LPIN1: variants seen among roughly 807,000 people sequenced by gnomAD.
LPIN1 encodes the protein phosphatidate phosphatase LPIN1.
Under a neutral mutation model 107.5 loss-of-function variants are expected in LPIN1, and 71 were observed. The observed-to-expected ratio is 0.66, with a 90% CI of 0.55 to 0.80. The LOEUF (loss-of-function observed/expected upper bound fraction) is 0.80, where lower values mean the gene tolerates loss of function less well. Among genes scored for constraint, LPIN1 ranks in the 30% least tolerant of loss-of-function variants. LPIN1 has a pLI of 0.00. For missense variants in LPIN1, 1,043 were observed against 1,160.6 expected (o/e 0.90, Z 1.47); for synonymous variants, 445 against 452.6 (o/e 0.98, Z 0.21).
At chr2:11,809,025 A>G (rs1679201263) in intron 17 of LPIN1, among the ~76,000 whole-genome samples, 1 of 152,236 alleles carries the variant, frequency 6.6e-6, no homozygotes, top group East Asian at 1.9e-4. Flanking sequence ...ATGATCCATA[A>G]GGCTAATTGT....
intron 9 of LPIN1, chr2:11,784,663 G>A: frequency 3.2e-6 from 2 of 622,810 alleles, no homozygotes. Context: ...ATTTTAGGGG[G>A]ATACAGGGAG....
Position 11,703,501 on chromosome 2 carries a change from T to C in LPIN1, c.82-10255T>C, listed in dbSNP as rs533543274. 2.6e-5 allele frequency among the ~76,000 whole-genome samples: 4 copies of C among 152,318 alleles called. No individual in the cohort carries two copies. In the South Asian group the frequency reaches 8.3e-4, roughly 32 times the overall value. ...ACATCTCTGGTCTGCACTGGCTCTTTTCATAAATAGGCAAGGAGGTGATAA... is the reference window on the plus strand; with the variant it reads ...ACATCTCTGGTCTGCACTGGCTCTTCTCATAAATAGGCAAGGAGGTGATAA... On this transcript the variant is annotated intron_variant, in intron 1 of 21. Coordinates refer to the LPIN1 transcript ENST00000449576.
At chr2:11,733,303 A>C (rs1028394839) in intron 1 of LPIN1, among the ~76,000 whole-genome samples, 3 of 152,138 alleles carry the variant, frequency 2.0e-5, no homozygotes, top group African/African-American at 4.8e-5. Context: ...ATGTTTTAAC[A>C]CCTCATATAC....
chr2:11,823,354 C>T (rs1023745636), intron 20 of LPIN1, among the ~76,000 whole-genome samples: 7 of 152,170 alleles, frequency 4.6e-5, no homozygotes, highest in African/African-American at 1.7e-4. Flanking sequence ...CCACAAACCT[C>T]AGACAAATAA....
At chr2:11,808,800 G>C (rs1235108715) in intron 17 of LPIN1, among the ~76,000 whole-genome samples, 1 of 151,614 alleles carries the variant, frequency 6.6e-6, no homozygotes, top group East Asian at 1.9e-4. Context: ...GAACCCTAGA[G>C]GCAGAGGTTG....
At chr2:11,801,073 A>G (rs924846045) in intron 14 of LPIN1, among the ~76,000 whole-genome samples, 13 of 152,270 alleles carry the variant, frequency 8.5e-5, no homozygotes, top group African/African-American at 3.1e-4. Flanking sequence ...CACCCCAGTT[A>G]GCATGGCTAT....
intron 11 of LPIN1, among the ~76,000 whole-genome samples, chr2:11,787,783 T>C (rs530037778): frequency 8.6e-5 from 13 of 151,688 alleles, no homozygotes; most frequent in Non-Finnish European, 1.6e-4. Flanking sequence ...CTACTAAAGA[T>C]ACAAAAAATT....
intron 1 of LPIN1, among the ~76,000 whole-genome samples, chr2:11,749,254 G>A (rs929393264): frequency 2.0e-5 from 3 of 152,208 alleles, no homozygotes; most frequent in Non-Finnish European, 4.4e-5. Flanking sequence ...TTTCTGAGCT[G>A]TGAGGGAGGG....
intron 1 of LPIN1, among the ~76,000 whole-genome samples, chr2:11,739,922 A>C (rs1415985629): frequency 6.6e-6 from 1 of 152,228 alleles, no homozygotes; most frequent in East Asian, 1.9e-4. Context: ...ACAACCAAAT[A>C]AGATAGATAG....
At chr2:11,755,659 G>A (rs1365278481) in intron 1 of LPIN1, among the ~76,000 whole-genome samples, 1 of 152,166 alleles carries the variant, frequency 6.6e-6, no homozygotes, top group African/African-American at 2.4e-5. Flanking sequence ...AGGAAATGGA[G>A]GAGGCAGGTG....
At chr2:11,736,442 T>A (rs1490803849) in intron 1 of LPIN1, among the ~76,000 whole-genome samples, 1 of 152,178 alleles carries the variant, frequency 6.6e-6, no homozygotes, top group East Asian at 1.9e-4. Context: ...CCTCTTCTTA[T>A]AAGGGCACAA....
intron 14 of LPIN1, among the ~76,000 whole-genome samples, chr2:11,799,575 T>A (rs1236434720): frequency 1.3e-5 from 2 of 151,998 alleles, no homozygotes; most frequent in Non-Finnish European, 2.9e-5. Flanking sequence ...GGAACCAGCA[T>A]GGTTCATAGG....
intron 1 of LPIN1, among the ~76,000 whole-genome samples, chr2:11,684,819 T>G (rs996893723): frequency 8.2e-5 from 12 of 146,698 alleles, no homozygotes; most frequent in African/African-American, 3.0e-4. Context: ...GCATGCTCCC[T>G]GAAATGAAAA....
At chr2:11,720,028 C>T (rs1290203603), upstream of LPIN1, among the ~76,000 whole-genome samples, 7 of 152,066 alleles carry the variant, frequency 4.6e-5, no homozygotes, top group South Asian at 2.1e-4. Context: ...CAGCTTGCTC[C>T]GACTTGCTTG....
intron 1 of LPIN1, among the ~76,000 whole-genome samples, chr2:11,685,990 T>C (rs1661980490): frequency 6.6e-6 from 1 of 152,142 alleles, no homozygotes; most frequent in Non-Finnish European, 1.5e-5. Context: ...CTTCCAGGCC[T>C]TGTGTAAGTG....
At chr2:11,719,069 T>C (rs556074922) in intron 2 of LPIN1, among the ~76,000 whole-genome samples, 178 of 152,376 alleles carry the variant, frequency 1.2e-3, no homozygotes, top group African/African-American at 4.2e-3. Context: ...TTTTTTGTTC[T>C]CTAATTATTT....
At chr2:11,687,896 C>T (rs1206446691) in intron 1 of LPIN1, among the ~76,000 whole-genome samples, 2 of 152,258 alleles carry the variant, frequency 1.3e-5, no homozygotes, top group Non-Finnish European at 1.5e-5. Context: ...GCATGGTGTG[C>T]TGGCCGAGAG....
At chr2:11,685,293 G>A (rs1021195935) in intron 1 of LPIN1, among the ~76,000 whole-genome samples, 1 of 152,202 alleles carries the variant, frequency 6.6e-6, no homozygotes, top group African/African-American at 2.4e-5. Context: ...GATGGTGTGA[G>A]AGCGGTGTGG....
At chr2:11,691,869 A>G (rs535128511) in intron 1 of LPIN1, among the ~76,000 whole-genome samples, 11 of 152,288 alleles carry the variant, frequency 7.2e-5, no homozygotes, top group Non-Finnish European at 1.3e-4. Context: ...CTATTACCCA[A>G]CCCAGGTTAT....
Sources: gnomAD v4.1 joint callset for allele counts (sites outside exome capture counted in the v4.1 genomes callset) on GRCh38, gnomAD v4.1.1 for gene constraint, MANE v1.5 for transcripts, NCBI Gene and HGNC (gene_info 2026-07-23, HGNC 2026-07-21) for gene names.